The following THADA variants were observed in gnomAD, a reference collection of about 807,000 sequenced individuals.
The protein encoded by THADA is tRNA (32-2'-O)-methyltransferase regulator THADA.
THADA carries 213 observed loss-of-function variants against 219.8 expected under a neutral mutation model. The ratio of observed to expected loss-of-function variants is 0.97; its 90% CI spans 0.87 to 1.09. The LOEUF (loss-of-function observed/expected upper bound fraction) is 1.09, where lower values mean the gene tolerates loss of function less well. Ranked by LOEUF, THADA falls within the 50% of genes least tolerant of loss-of-function variation. The probability of loss-of-function intolerance (pLI) is 0.00; values close to 1 mark genes in which losing one functional copy is unlikely to be tolerated. For missense variants in THADA, 2,956 were observed against 2,311.3 expected (o/e 1.28, Z -5.72); for synonymous variants, 1,018 against 828.9 (o/e 1.23, Z -3.92).
intron 21 of THADA, among the ~76,000 whole-genome samples, chr2:43,533,486 A>G (rs1294411517): frequency 6.6e-6 from 1 of 152,208 alleles, no homozygotes; most frequent in Non-Finnish European, 1.5e-5. Context: ...CTTGGAACCA[A>G]CCCAAATGCC....
intron 21 of THADA, among the ~76,000 whole-genome samples, chr2:43,528,791 A>T (rs1400870297): frequency 6.6e-6 from 1 of 151,920 alleles, no homozygotes; most frequent in African/African-American, 2.4e-5. Flanking sequence ...TTCTTTTAAA[A>T]TTTTTTTTCT....
intron 36 of THADA, among the ~76,000 whole-genome samples, chr2:43,245,884 G>T (rs1669090568): frequency 6.6e-6 from 1 of 151,974 alleles, no homozygotes; most frequent in African/African-American, 2.4e-5. Context: ...CTCTCTTGAG[G>T]ACTTTAACAT....
At chr2:43,519,447 T>C (rs556156929) in intron 22 of THADA, among the ~76,000 whole-genome samples, 7 of 152,302 alleles carry the variant, frequency 4.6e-5, no homozygotes, top group South Asian at 2.1e-4. Context: ...GAACATTCCC[T>C]GGGTTATATA....
In THADA at chr2:43,487,256, T is replaced by C. The variant is rs1687028748; in HGVS notation, c.3745-1931A>G. Among the ~76,000 whole-genome samples, 4 of 152,150 alleles carry C rather than the reference T, an allele frequency of 2.6e-5. No individual in the cohort carries two copies. The South Asian group carries it at 8.3e-4, about 32-fold the overall frequency. The stretch of plus-strand genomic sequence containing the variant: ...TGACTTGGTAAAGATATCTGGGACC[T>C]TCTCTCCTCTCAGAAATCACACAAA... On this transcript the variant is annotated intron_variant, in intron 25 of 37. Coordinates refer to ENST00000405975, the MANE Select transcript of THADA (RefSeq NM_022065.5).
intron 29 of THADA, among the ~76,000 whole-genome samples, chr2:43,378,043 T>C (rs550680301): frequency 5.9e-5 from 9 of 152,216 alleles, no homozygotes; most frequent in African/African-American, 2.2e-4. Flanking sequence ...TTGGAGAAAA[T>C]ATTGCAGAGG....
chr2:43,556,411 T>C lies in THADA; in HGVS notation c.2608A>G (p.Thr870Ala). Residue 870 changes from threonine (T) to alanine (A), a missense_variant, in exon 17 of 38, where the codon ACT (threonine) becomes GCT (alanine). Physicochemically the swap from Thr to Ala is moderately conservative, Grantham distance 58 (BLOSUM62 0). Coordinates refer to ENST00000405975, the MANE Select transcript of THADA (RefSeq NM_022065.5). ...CCATTATCACATGCAACTTGCTGAG[T>C]TAAGTAGGCAGACAAGGATGACGGT... is the stretch of plus-strand genomic sequence containing the variant. ...ALPSSLSAYL[T>A]QQVACDNGDR... 1 of 1,613,782 alleles carries C rather than the reference T, an allele frequency of 6.2e-7. No homozygotes were observed. Among genetic ancestry groups the C allele is most frequent in the East Asian group, 2.2e-5 (1 of 44,866 alleles).
chr2:43,394,294 G>C (rs927478102), intron 29 of THADA, among the ~76,000 whole-genome samples: 3 of 152,120 alleles, frequency 2.0e-5, no homozygotes, highest in African/African-American at 4.8e-5. Flanking sequence ...GCTATAATTT[G>C]AGTCTTTCTT....
At chr2:43,567,859 C>T (rs1037028619) in intron 14 of THADA, among the ~76,000 whole-genome samples, 2 of 152,176 alleles carry the variant, frequency 1.3e-5, no homozygotes, top group African/African-American at 4.8e-5. Context: ...ATCCGTTGGC[C>T]TATCACTGAA....
chr2:43,500,288 G>A (rs1688786134), intron 24 of THADA, among the ~76,000 whole-genome samples: 1 of 152,184 alleles, frequency 6.6e-6, no homozygotes, highest in Non-Finnish European at 1.5e-5. Flanking sequence ...AGAGCAAGAG[G>A]GGGCTTTCAG....
At chr2:43,328,510 T>A (rs757554354) in intron 30 of THADA, among the ~76,000 whole-genome samples, 1 of 152,230 alleles carries the variant, frequency 6.6e-6, no homozygotes, top group Admixed American at 6.5e-5. Flanking sequence ...CCATCCTCCA[T>A]GCCCTGCTCT....
At position 43,571,779 on chromosome 2, in the gene THADA, C is replaced by A. The variant is rs752438267; in HGVS notation, c.1992G>T (p.Gln664His). The change falls in exon 13 of 38, where the codon CAG becomes CAT. Residue 664 changes from glutamine (Q) to histidine (H), a missense_variant. By Grantham distance (24) the Gln-to-His change is conservative. Transcript: ENST00000405975. ...IVSMEEMQWI[Q>H]FFITYNLNSQ... is the part of the protein sequence containing the mutation. Reference sequence around the variant, plus strand: ...TGTTAAGATTGTATGTAATAAAGAACTGAATCCACTGCATTTCTTCCATGG... The same window carrying A: ...TGTTAAGATTGTATGTAATAAAGAAATGAATCCACTGCATTTCTTCCATGG... 3 of 1,613,782 alleles carry A rather than the reference C, an allele frequency of 1.9e-6. No individual in the cohort carries two copies. The highest frequency in any genetic ancestry group is 3.3e-5 in the Admixed American group (2 of 60,024).
chr2:43,426,399 G>A (rs754925734), intron 28 of THADA, among the ~76,000 whole-genome samples: 5 of 152,206 alleles, frequency 3.3e-5, no homozygotes, highest in Admixed American at 2.6e-4. Context: ...AATGTAAACT[G>A]CAATTCTGTG....
At chr2:43,385,327 C>A (rs964867780) in intron 29 of THADA, among the ~76,000 whole-genome samples, 11 of 152,060 alleles carry the variant, frequency 7.2e-5, no homozygotes, top group Admixed American at 7.2e-4. Flanking sequence ...AAAGGGCAAG[C>A]TGGGTGCGGT....
At chr2:43,429,133 A>G (rs1445266337) in intron 27 of THADA, among the ~76,000 whole-genome samples, 2 of 151,662 alleles carry the variant, frequency 1.3e-5, no homozygotes, top group Non-Finnish European at 2.9e-5. Context: ...TTTGAGACGG[A>G]GTATTTTTCT....
At chr2:43,369,535 G>T (rs1249919022) in intron 29 of THADA, among the ~76,000 whole-genome samples, 1 of 151,944 alleles carries the variant, frequency 6.6e-6, no homozygotes, top group South Asian at 2.1e-4. Flanking sequence ...TGTACATTAC[G>T]TCCCTCTCTT....
Position 43,485,308 on chromosome 2 carries a change from T to C in THADA, c.3762A>G (p.Thr1254=), listed in dbSNP as rs1686779236. ...SPVWAVRNSS[T]LLFSALITRI... ...TTGTGATCAAGGCACTAAAGAGAAGTGTGGATGAATTTCGCACCTAATGTA... is the reference window on the plus strand; with the variant it reads ...TTGTGATCAAGGCACTAAAGAGAAGCGTGGATGAATTTCGCACCTAATGTA... Residue 1254 remains threonine, a synonymous_variant, in exon 26 of 38, where the codon ACA becomes ACG. Coordinates refer to ENST00000405975, the MANE Select transcript of THADA (RefSeq NM_022065.5). 1 of 1,612,928 alleles carries C rather than the reference T, an allele frequency of 6.2e-7. No homozygotes were observed. Among genetic ancestry groups the C allele is most frequent in the Non-Finnish European group, 8.5e-7 (1 of 1,179,354 alleles).
At chr2:43,562,801 T>C (rs1210264383) in intron 15 of THADA, 1 of 152,248 alleles carries the variant, frequency 6.6e-6, no homozygotes, top group Non-Finnish European at 1.5e-5. Flanking sequence ...AAGTCACTAA[T>C]TGTCATGTTT....
intron 22 of THADA, among the ~76,000 whole-genome samples, chr2:43,523,657 T>A (rs1692780779): frequency 6.6e-6 from 1 of 152,210 alleles, no homozygotes; most frequent in Non-Finnish European, 1.5e-5. Context: ...GTCCACAGAA[T>A]TGTTGATGTC....
chr2:43,405,514 T>C (rs7422343), intron 28 of THADA, among the ~76,000 whole-genome samples: 1 of 152,322 alleles, frequency 6.6e-6, no homozygotes, highest in Non-Finnish European at 1.5e-5. Flanking sequence ...AATATTCCAT[T>C]CATCAAAGGA....
Sources: gnomAD v4.1 joint callset for allele counts (sites outside exome capture counted in the v4.1 genomes callset) on GRCh38, gnomAD v4.1.1 for gene constraint, MANE v1.5 for transcripts, NCBI Gene and HGNC (gene_info 2026-07-23, HGNC 2026-07-21) for gene names.